NLGN2: variants seen among roughly 807,000 people sequenced by gnomAD.
The protein encoded by NLGN2 is neuroligin 2, also known as neuroligin-2.
A neutral mutation model predicts 48.6 loss-of-function variants in NLGN2; 11 were observed. That is an observed-to-expected ratio of 0.23 (90% CI 0.14 to 0.37). The LOEUF is 0.37. Ranked by LOEUF, NLGN2 falls within the 10% of genes least tolerant of loss-of-function variation. The probability of loss-of-function intolerance (pLI) is 1.00; values close to 1 mark genes in which losing one functional copy is unlikely to be tolerated. For missense variants in NLGN2, 801 were observed against 1,225.2 expected, an observed-to-expected ratio of 0.65 and a Z score of 5.17; for synonymous variants, 548 against 550.0, an observed-to-expected ratio of 1.00 and a Z score of 0.05.
In NLGN2 at chr17:7,417,563, G is replaced by C; in HGVS notation, c.2272G>C (p.Ala758Pro). Reference protein sequence around the residue: ...KRGGGVGADPAEALRPACPPD... With the variant: ...KRGGGVGADPPEALRPACPPD... ...GGGTGGTGGCGTCGGGGCGGACCCT[G>C]CCGAGGCTCTGCGCCCTGCCTGCCC... Residue 758 changes from alanine to proline, a missense_variant, in exon 7 of 7, where the codon GCC becomes CCC. Ala to Pro is a conservative substitution (Grantham distance 27). This residue lies in a region of NLGN2 where 276 missense variants were observed against 313.9 expected (regional missense o/e 0.88). Transcript: ENST00000302926. 1 of 1,446,016 alleles carries C rather than the reference G, an allele frequency of 6.9e-7. No homozygotes were observed. The highest frequency in any genetic ancestry group is 9.0e-7 in the Non-Finnish European group (1 of 1,106,006). 89.6% of individuals were successfully genotyped at this position (1,446,016 alleles called of 1,614,324 possible).
rs1907285391 is a variant in NLGN2 at position 7,419,224 on chromosome 17, G to C, written c.*1425G>C. 6.5e-6 allele frequency: 1 copy of C among 152,856 alleles called. No individual in the cohort carries two copies. Among genetic ancestry groups the C allele is most frequent in the Non-Finnish European group, 1.5e-5 (1 of 68,176 alleles). The allele number at this position is 152,856 out of a possible 1,614,324, so 9.5% of individuals were successfully genotyped here. ...GAGAAAGGTCTCACCGGACAGGTTG[G>C]GAGAATGAGGTCAGCGGTGCTGGGG... is the stretch of plus-strand genomic sequence containing the variant. On this transcript the variant is annotated 3_prime_UTR_variant, in exon 7 of 7. Coordinates refer to ENST00000302926, the MANE Select transcript of NLGN2 (RefSeq NM_020795.4).
In NLGN2 at chr17:7,417,248, C is replaced by A. The variant is rs368243301; in HGVS notation, c.1957C>A (p.Pro653Thr). 19 of 1,550,550 alleles carry A rather than the reference C, an allele frequency of 1.2e-5. No homozygotes were observed. The highest frequency in any genetic ancestry group is 1.9e-5 in the Admixed American group (1 of 51,652). ...PPPPATLPPE[P>T]EPEPGPRAYD... ...GCCGCCTGCCACCCTGCCTCCCGAG[C>A]CCGAGCCCGAGCCCGGCCCAAGGGC... Residue 653 changes from proline to threonine, a missense_variant, in exon 7 of 7, where the codon CCC becomes ACC. Coordinates refer to ENST00000302926, the MANE Select transcript of NLGN2 (RefSeq NM_020795.4).
chr17:7,410,824 G>GCACA lies in NLGN2; in HGVS notation c.458-1325_458-1322dup, dbSNP rs138952410. ...AAGAGGTTGACTCAGGCGCGCGCGC[G>GCACA]CACACACACACGCGCTTCATAGACT... On this transcript the variant is annotated intron_variant, in intron 1 of 6. Transcript: ENST00000302926. Among the ~76,000 whole-genome samples, 14 of 152,196 alleles carry GCACA rather than the reference G, an allele frequency of 9.2e-5. No homozygotes were observed. The South Asian group carries it at 2.9e-3, about 32-fold the overall frequency.
intron 1 of NLGN2, among the ~76,000 whole-genome samples, chr17:7,410,941 C>G (rs1906859070): frequency 6.6e-6 from 1 of 152,238 alleles, no homozygotes; most frequent in Non-Finnish European, 1.5e-5. Context: ...GGGGCCATCA[C>G]TGCCACTTAG....
rs940788780 is a variant in NLGN2 at position 7,417,143 on chromosome 17, A to T, written c.1852A>T (p.Thr618Ser). Residue 618 changes from threonine (T) to serine (S), a missense_variant, in exon 7 of 7, where the codon ACC becomes TCC. Coordinates refer to ENST00000302926, the MANE Select transcript of NLGN2 (RefSeq NM_020795.4). ...CAACCTGCACACGGAGCTCTTCACC[A>T]CCACCACGCGCCTGCCTCCCTACGC... ...LHNLHTELFT[T>S]TTRLPPYATR... 1 of 1,607,704 alleles carries T rather than the reference A, an allele frequency of 6.2e-7. No individual in the cohort carries two copies. The highest frequency in any genetic ancestry group is 8.5e-7 in the Non-Finnish European group (1 of 1,179,042).
Position 7,417,558 on chromosome 17 carries a change from A to G in NLGN2, c.2267A>G (p.Asp756Gly). ...QLKRGGGVGA[D>G]PAEALRPACP... Reference sequence around the variant, plus strand: ...AAGCGGGGTGGTGGCGTCGGGGCGGACCCTGCCGAGGCTCTGCGCCCTGCC... The same window carrying G: ...AAGCGGGGTGGTGGCGTCGGGGCGGGCCCTGCCGAGGCTCTGCGCCCTGCC... The change falls in exon 7 of 7, where the codon GAC (aspartate) becomes GGC (glycine). Residue 756 changes from aspartate (D) to glycine (G), a missense_variant. Physicochemically the swap from Asp to Gly is moderately conservative, Grantham distance 94. This residue lies in a region of NLGN2 where 276 missense variants were observed against 313.9 expected (regional missense o/e 0.88). Coordinates refer to ENST00000302926, the MANE Select transcript of NLGN2 (RefSeq NM_020795.4). 1 of 1,452,486 alleles carries G rather than the reference A, an allele frequency of 6.9e-7. No individual in the cohort carries two copies. 90.0% of individuals were successfully genotyped at this position (1,452,486 alleles called of 1,614,324 possible). A position where few individuals can be genotyped will look rare whatever the true frequency, so the allele number is the denominator to read the frequency against.
Position 7,411,143 on chromosome 17 carries a change from C to T in NLGN2, c.458-1014C>T, listed in dbSNP as rs1387179532. ...TGGGCGAACCTGGTGCTCCCGGTAC[C>T]TGCTGGCACCTGTGTGCCAGGCTGG... On this transcript the variant is annotated intron_variant, in intron 1 of 6. Coordinates refer to ENST00000302926, the MANE Select transcript of NLGN2 (RefSeq NM_020795.4). This position sits in a 1 kb window ranked among gnomAD's most constrained non-coding sequence, Gnocchi z 4.5. Among the ~76,000 whole-genome samples the T allele has an allele frequency of 6.6e-6, 1 of 152,262 alleles. No individual in the cohort carries two copies. The highest frequency in any genetic ancestry group is 2.4e-5 in the African/African-American group (1 of 41,470).
intron 1 of NLGN2, among the ~76,000 whole-genome samples, chr17:7,410,343 ATCTAC>A (rs921589621): frequency 9.2e-5 from 14 of 151,810 alleles, no homozygotes; most frequent in Admixed American, 9.2e-4. Flanking sequence ...ACAGAGCGTC[ATCTAC>A]TCTAATCCTA....
At position 7,417,180 on chromosome 17, in the gene NLGN2, C is replaced by T. The variant is rs1178239868; in HGVS notation, c.1889C>T (p.Pro630Leu). ...CTGCCTCCCTACGCCACGCGCTGGC[C>T]GCCTCGTCCCCCCGCTGGCGCCCCG... is the stretch of plus-strand genomic sequence containing the variant. ...TRLPPYATRWPPRPPAGAPGT... is the reference protein window; with the variant it reads ...TRLPPYATRWLPRPPAGAPGT... Residue 630 changes from proline to leucine, a missense_variant, in exon 7 of 7, where the codon CCG (proline) becomes CTG (leucine). Transcript: ENST00000302926. 3.8e-6 allele frequency: 6 copies of T among 1,577,788 alleles called. No homozygotes were observed. The highest frequency in any genetic ancestry group is 5.1e-6 in the Non-Finnish European group (6 of 1,165,380).
chr17:7,406,163 G>A (rs936612786), upstream of NLGN2, among the ~76,000 whole-genome samples: 4 of 152,098 alleles, frequency 2.6e-5, no homozygotes, highest in African/African-American at 7.2e-5. Flanking sequence ...AGAAGAGAAA[G>A]ATGTAAAAAG....
chr17:7,407,100 A>G (rs889419689), upstream of NLGN2, among the ~76,000 whole-genome samples: 3 of 151,792 alleles, frequency 2.0e-5, no homozygotes, highest in African/African-American at 7.3e-5. Context: ...GTTGGGGGGA[A>G]CTCTTGCATT....
chr17:7,408,124 C>T lies in NLGN2; in HGVS notation c.-132C>T. ...CAGTCTAACCCAGGTCCCTCCCCAACCCCCTCCTCCCTCCTTTCCCCCCGC... is the reference window on the plus strand; with the variant it reads ...CAGTCTAACCCAGGTCCCTCCCCAATCCCCTCCTCCCTCCTTTCCCCCCGC... On this transcript the variant is annotated 5_prime_UTR_variant, in exon 1 of 7. Transcript: ENST00000302926. The surrounding 1 kb of genome is among the most constrained non-coding windows in gnomAD (Gnocchi z 7.5). The T allele has an allele frequency of 2.2e-6, 1 of 449,182 alleles. No individual in the cohort carries two copies. Among genetic ancestry groups the T allele is most frequent in the East Asian group, 3.9e-5 (1 of 25,446 alleles). The allele number at this position is 449,182 out of a possible 1,614,324, so 27.8% of individuals were successfully genotyped here. A position where few individuals can be genotyped will look rare whatever the true frequency, so the allele number is the denominator to read the frequency against.
At position 7,417,873 on chromosome 17, in the gene NLGN2, C is replaced by T; in HGVS notation, c.*74C>T. The stretch of plus-strand genomic sequence containing the variant: ...TCCGAAGGCAGGGAGGAGGACTTGG[C>T]AACTGGCTTTTCTCCTGTGGAGTCG... On this transcript the variant is annotated 3_prime_UTR_variant, in exon 7 of 7. Transcript: ENST00000302926. 2 of 1,334,766 alleles carry T rather than the reference C, an allele frequency of 1.5e-6. No homozygotes were observed. The highest frequency in any genetic ancestry group is 2.2e-5 in the South Asian group (1 of 44,588). 82.7% of individuals were successfully genotyped at this position (1,334,766 alleles called of 1,614,324 possible).
At chr17:7,409,201 G>A (rs1906781385) in intron 1 of NLGN2, among the ~76,000 whole-genome samples, 1 of 152,042 alleles carries the variant, frequency 6.6e-6, no homozygotes, top group Non-Finnish European at 1.5e-5. Context: ...GCTGGTGAGG[G>A]CTGCCTTCCA....
rs1311774306 is a variant in NLGN2, at chr17:7,415,023, G to A, written c.912G>A (p.Pro304=). The A allele has an allele frequency of 5.6e-6, 9 of 1,613,214 alleles. No individual in the cohort carries two copies. Among genetic ancestry groups the A allele is most frequent in the African/African-American group, 1.3e-5 (1 of 75,074 alleles). The change falls in exon 5 of 7, where the codon CCG becomes CCA. Residue 304 remains proline, a synonymous_variant. Coordinates refer to ENST00000302926, the MANE Select transcript of NLGN2 (RefSeq NM_020795.4). The part of the protein sequence containing the change: ...AISSWSVNYQ[P]LKYTRLLAAK... The stretch of plus-strand genomic sequence containing the variant: ...CCAGCTGGTCTGTCAACTACCAGCC[G>A]CTCAAGTACACGCGGCTGCTGGCAG...
Position 7,408,355 on chromosome 17 carries a change from G to T in NLGN2, c.100G>T (p.Gly34Cys). 1 of 1,486,534 alleles carries T rather than the reference G, an allele frequency of 6.7e-7. No homozygotes were observed. Among genetic ancestry groups the T allele is most frequent in the Non-Finnish European group, 8.9e-7 (1 of 1,121,718 alleles). 92.1% of individuals were successfully genotyped at this position (1,486,534 alleles called of 1,614,324 possible). ...GAPGGPGLGL[G>C]SLGEERFPVV... ...CCCGGGCGGCCCCGGCCTGGGCCTC[G>T]GCAGCCTCGGCGAGGAGCGCTTCCC... is the stretch of plus-strand genomic sequence containing the variant. The change falls in exon 1 of 7, where the codon GGC becomes TGC. Residue 34 changes from glycine to cysteine, a missense_variant. Coordinates refer to ENST00000302926, the MANE Select transcript of NLGN2 (RefSeq NM_020795.4). The surrounding 1 kb of genome is among the most constrained non-coding windows in gnomAD (Gnocchi z 7.5).
rs1352116340 is a variant in NLGN2 at position 7,412,175 on chromosome 17, G to A, written c.476G>A (p.Arg159His). The A allele has an allele frequency of 3.8e-6, 6 of 1,590,394 alleles. No homozygotes were observed. Among genetic ancestry groups the A allele is most frequent in the South Asian group, 2.2e-5 (2 of 90,654 alleles). ...GTCTTAGGTCCGCTCACAAAAAAAC[G>A]TGACGAGGCGACGCTCAATCCGCCA... The part of the protein sequence containing the change: ...PTEDGPLTKK[R>H]DEATLNPPDT... Residue 159 changes from arginine to histidine, a missense_variant, in exon 2 of 7, where the codon CGT becomes CAT. By Grantham distance (29) the Arg-to-His change is conservative. Around this residue, in one of 5 missense-constraint regions of NLGN2, gnomAD observed 56 missense variants for 100.0 expected, o/e 0.56. Coordinates refer to ENST00000302926, the MANE Select transcript of NLGN2 (RefSeq NM_020795.4).
chr17:7,415,806 G>A lies in NLGN2; in HGVS notation c.1333G>A (p.Glu445Lys), dbSNP rs777524391. Residue 445 changes from glutamate (E) to lysine (K), a missense_variant, in exon 6 of 7, where the codon GAA becomes AAA. Glu to Lys is a moderately conservative substitution (Grantham distance 56, BLOSUM62 1). This residue lies in a region of NLGN2 where 303 missense variants were observed against 600.1 expected (regional missense o/e 0.50). Transcript: ENST00000302926. Reference protein sequence around the residue: ...YTDWADRDNGEMRRKTLLALF... With the variant: ...YTDWADRDNGKMRRKTLLALF... ...AGACTGGGCCGACCGGGACAATGGC[G>A]AAATGCGCCGCAAAACCCTGCTGGC... The A allele has an allele frequency of 2.5e-6, 4 of 1,613,880 alleles. No individual in the cohort carries two copies. The highest frequency in any genetic ancestry group is 1.6e-4 in the Middle Eastern group (1 of 6,084).
chr17:7,413,517 C>T lies in NLGN2; in HGVS notation c.509-827C>T, dbSNP rs917479694. Among the ~76,000 whole-genome samples the T allele has an allele frequency of 6.6e-6, 1 of 152,156 alleles. No homozygotes were observed. The highest frequency in any genetic ancestry group is 2.4e-5 in the African/African-American group (1 of 41,436). On this transcript the variant is annotated intron_variant, in intron 2 of 6. Coordinates refer to ENST00000302926, the MANE Select transcript of NLGN2 (RefSeq NM_020795.4). The surrounding 1 kb of genome is among the most constrained non-coding windows in gnomAD (Gnocchi z 4.9). ...GATACTGTAGCCTCGGGGACCCTGG[C>T]AAGCACTCTCAGACTCCCACATCCT...
Sources: allele counts gnomAD v4.1 joint callset (sites outside exome capture counted in the v4.1 genomes callset), GRCh38; gene constraint gnomAD v4.1.1; regional missense constraint gnomAD v4.1.1; non-coding constraint Gnocchi (gnomAD v3.1); transcripts MANE v1.5; gene names NCBI Gene and HGNC (gene_info 2026-07-23, HGNC 2026-07-21).